METTL14: variants seen among roughly 807,000 people sequenced by gnomAD.
METTL14 encodes the protein N(6)-adenosine-methyltransferase non-catalytic subunit METTL14.
Under a neutral mutation model 62.4 loss-of-function variants are expected in METTL14, and 32 were observed. That is an observed-to-expected ratio of 0.51 (90% CI 0.39 to 0.69). The LOEUF is 0.69. METTL14 is among the 30% of genes least tolerant of loss of function. The pLI is 0.00. For synonymous variants in METTL14, 150 were observed against 180.0 expected, an observed-to-expected ratio of 0.83 and a Z score of 1.34; for missense variants, 340 against 551.9, an observed-to-expected ratio of 0.62 and a Z score of 3.85.
rs1579081401 is a variant in METTL14, at chr4:118,714,711, T to C, written c.*4409T>C. 6.6e-6 allele frequency: 1 copy of C among 152,324 alleles called. No individual in the cohort carries two copies. The highest frequency in any genetic ancestry group is 1.5e-5 in the Non-Finnish European group (1 of 68,074). The allele number at this position is 152,324 out of a possible 1,614,324, so 9.4% of individuals were successfully genotyped here. ...AAGCGATTCTTCTGCCTCAGCCTCC[T>C]GAGTAGCTGGAATTACAGGTGCCCA... On this transcript the variant is annotated 3_prime_UTR_variant, in exon 11 of 11. Coordinates refer to ENST00000388822, the MANE Select transcript of METTL14 (RefSeq NM_020961.4).
intron 6 of METTL14, among the ~76,000 whole-genome samples, chr4:118,694,987 A>G (rs1166934428): frequency 6.6e-6 from 1 of 151,474 alleles, no homozygotes. Context: ...ACACACCACC[A>G]TGCCTGGCTA....
At chr4:118,688,311 C>T (rs1199962376) in intron 2 of METTL14, among the ~76,000 whole-genome samples, 1 of 152,070 alleles carries the variant, frequency 6.6e-6, no homozygotes, top group South Asian at 2.1e-4. Context: ...GTGGCGGGCT[C>T]CTGTAATCCC....
intron 3 of METTL14, among the ~76,000 whole-genome samples, chr4:118,689,821 GT>G (rs1724189724): frequency 1.3e-5 from 2 of 151,356 alleles, no homozygotes; most frequent in East Asian, 3.9e-4. Flanking sequence ...TGTATTTTTA[GT>G]AGAGACAGGG....
Position 118,714,363 on chromosome 4 carries a change from A to G in METTL14, c.*4061A>G, listed in dbSNP as rs116091383. On this transcript the variant is annotated 3_prime_UTR_variant, in exon 11 of 11. Transcript: ENST00000388822. ...CTTGGTCTCAGGCCATAGCAACTAT[A>G]GAGAGAAGAGTGGGGCTGGAGACCT... The G allele has an allele frequency of 0.04, 6,048 of 152,312 alleles. 178 individuals are homozygous for G. Among genetic ancestry groups the G allele is most frequent in the Non-Finnish European group, 0.062 (4,210 of 68,030 alleles). The allele number at this position is 152,312 out of a possible 1,614,324, so 9.4% of individuals were successfully genotyped here.
Position 118,705,716 on chromosome 4 carries a change from A to C in METTL14, c.961A>C (p.Ile321Leu), listed in dbSNP as rs1724736506. ...CTTAATTATCACAGAAGAACCTGAA[A>C]TTGGCAATATAGAAAAACCTGTAGA... ...IDLIITEEPEIGNIEKPVEIF... is the reference protein window; with the variant it reads ...IDLIITEEPELGNIEKPVEIF... Residue 321 changes from isoleucine (I) to leucine (L), a missense_variant, in exon 10 of 11, where the codon ATT becomes CTT. Physicochemically the swap from Ile to Leu is conservative, Grantham distance 5. Coordinates refer to ENST00000388822, the MANE Select transcript of METTL14 (RefSeq NM_020961.4). 1 of 1,614,120 alleles carries C rather than the reference A, an allele frequency of 6.2e-7. No homozygotes were observed. Among genetic ancestry groups the C allele is most frequent in the African/African-American group, 1.3e-5 (1 of 75,038 alleles).
At chr4:118,707,350 A>G (rs548932132) in intron 10 of METTL14, among the ~76,000 whole-genome samples, 14 of 152,218 alleles carry the variant, frequency 9.2e-5, no homozygotes, top group African/African-American at 1.4e-4. Flanking sequence ...AGTATGTGCA[A>G]TTGAGAGTCT....
In METTL14 at chr4:118,705,680, G is replaced by A. The variant is rs1724735800; in HGVS notation, c.925G>A (p.Val309Ile). 6.2e-7 allele frequency: 1 copy of A among 1,614,156 alleles called. No individual in the cohort carries two copies. The highest frequency in any genetic ancestry group is 2.2e-5 in the East Asian group (1 of 44,880). ...STDGDFIHAN[V>I]DIDLIITEEP... ...AGACGGGGACTTCATTCATGCTAAT[G>A]TTGACATTGACTTAATTATCACAGA... is the stretch of plus-strand genomic sequence containing the variant. Residue 309 changes from valine (V) to isoleucine (I), a missense_variant, in exon 10 of 11, where the codon GTT (valine) becomes ATT (isoleucine). Physicochemically the swap from Val to Ile is conservative, Grantham distance 29 (BLOSUM62 3). Around this residue, in one of 7 missense-constraint regions of METTL14, gnomAD observed 58 missense variants for 147.5 expected, o/e 0.39. Coordinates refer to ENST00000388822, the MANE Select transcript of METTL14 (RefSeq NM_020961.4).
chr4:118,700,738 T>C (rs1724563017), intron 8 of METTL14, 96 bp downstream of exon 8: 2 of 789,356 alleles, frequency 2.5e-6, no homozygotes, highest in African/African-American at 3.5e-5. Context: ...TGTTATTTTG[T>C]CCTTTGTTTC....
chr4:118,695,271 G>A (rs993805375), intron 6 of METTL14, among the ~76,000 whole-genome samples: 1 of 151,950 alleles, frequency 6.6e-6, no homozygotes, highest in African/African-American at 2.4e-5. Flanking sequence ...CATCCAAGTC[G>A]GGCATGGTGG....
At position 118,704,039 on chromosome 4, in the gene METTL14, T is replaced by G. The variant is rs779360656; in HGVS notation, c.843T>G (p.Phe281Leu). 2 of 1,576,578 alleles carry G rather than the reference T, an allele frequency of 1.3e-6. No homozygotes were observed. ...AGACTTTAGATCCAAAGGCTGTCTT[T>G]CAGAGAACAAAGGTATTGCCTTTAC... is the stretch of plus-strand genomic sequence containing the variant. Reference protein sequence around the residue: ...KTKTLDPKAVFQRTKEHCLMG... With the variant: ...KTKTLDPKAVLQRTKEHCLMG... The change falls in exon 9 of 11, where the codon TTT becomes TTG. Residue 281 changes from phenylalanine (F) to leucine (L), a missense_variant. By Grantham distance (22) the Phe-to-Leu change is conservative. Transcript: ENST00000388822.
rs70941201 is a variant in METTL14, at chr4:118,696,117, C to CAAAAAA, written c.504-1042_504-1037dup. 7.7e-4 allele frequency among the ~76,000 whole-genome samples: 26 copies of CAAAAAA among 33,906 alleles called. 2 individuals carry two copies. The highest frequency in any genetic ancestry group is 2.3e-3 in the African/African-American group (14 of 6,014). 22.2% of individuals were successfully genotyped at this position (33,906 alleles called of 152,430 possible). A position where few individuals can be genotyped will look rare whatever the true frequency, so the allele number is the denominator to read the frequency against. On this transcript the variant is annotated intron_variant, in intron 6 of 10. Coordinates refer to ENST00000388822, the MANE Select transcript of METTL14 (RefSeq NM_020961.4). Reference sequence around the variant, plus strand: ...CTGGCAACAGAGTGAGACTCTGTCTCAAAAAAAAAAAAAAAAAAAAAAAAA... The same window carrying CAAAAAA: ...CTGGCAACAGAGTGAGACTCTGTCTCAAAAAAAAAAAAAAAAAAAAAAAAAAAAAAA...
chr4:118,702,730 T>C (rs1338205632), intron 8 of METTL14, among the ~76,000 whole-genome samples: 2 of 151,970 alleles, frequency 1.3e-5, no homozygotes, highest in Non-Finnish European at 2.9e-5. Context: ...GAGCCAAGAT[T>C]ACCACACTGA....
chr4:118,703,726 C>T (rs986929752), intron 8 of METTL14, among the ~76,000 whole-genome samples: 1 of 152,026 alleles, frequency 6.6e-6, no homozygotes, highest in Non-Finnish European at 1.5e-5. Context: ...CATTGATATC[C>T]AAAAGATATA....
chr4:118,700,511 CAA>C (rs1428176578), intron 7 of METTL14, 37 bp from the exon 8 acceptor site: 21 of 1,514,154 alleles, frequency 1.4e-5, no homozygotes, highest in Non-Finnish European at 1.8e-5. Flanking sequence ...GAATGGGAAA[CAA>C]AATACTTTTA....
intron 4 of METTL14, 138 bp downstream of exon 4, chr4:118,691,750 A>T (rs1724252781): frequency 1.7e-6 from 1 of 589,618 alleles, no homozygotes; most frequent in Non-Finnish European, 2.9e-6. Flanking sequence ...ATTATTTAAA[A>T]TTACTCATGA....
chr4:118,694,162 C>G (rs1724336165), intron 5 of METTL14, among the ~76,000 whole-genome samples: 1 of 138,068 alleles, frequency 7.2e-6, no homozygotes, highest in Non-Finnish European at 1.5e-5. Flanking sequence ...AAACTGGATG[C>G]TAGGGGTAAT....
chr4:118,696,781 T>C (rs191979510), intron 6 of METTL14, among the ~76,000 whole-genome samples: 201 of 152,238 alleles, frequency 1.3e-3, no homozygotes, highest in Non-Finnish European at 3.4e-4. Context: ...ATGGGTTTTC[T>C]AACTGAACAA....
In METTL14 at chr4:118,710,475, G is replaced by T. The variant is rs1724888307; in HGVS notation, c.*173G>T. 4.9e-6 allele frequency: 3 copies of T among 615,318 alleles called. No homozygotes were observed. Among genetic ancestry groups the T allele is most frequent in the South Asian group, 4.7e-5 (2 of 42,932 alleles). The allele number at this position is 615,318 out of a possible 1,614,324, so 38.1% of individuals were successfully genotyped here. A position where few individuals can be genotyped will look rare whatever the true frequency, so the allele number is the denominator to read the frequency against. On this transcript the variant is annotated 3_prime_UTR_variant, in exon 11 of 11. Transcript: ENST00000388822. ...CTTGCAGTTGTCACACACACTGTCT[G>T]GTTTTTTTCAGGATAAATGAATGAT...
At chr4:118,697,105 A>G (rs1724435666) in intron 6 of METTL14, 77 bp from the exon 7 acceptor site, 1 of 1,056,888 alleles carries the variant, frequency 9.5e-7, no homozygotes, top group Admixed American at 2.6e-5. Flanking sequence ...TTTCATTACC[A>G]TCTGTTAAGG....
Sources: allele counts gnomAD v4.1 joint callset (sites outside exome capture counted in the v4.1 genomes callset), GRCh38; gene constraint gnomAD v4.1.1; regional missense constraint gnomAD v4.1.1; transcripts MANE v1.5; gene names NCBI Gene and HGNC (gene_info 2026-07-23, HGNC 2026-07-21).